The following THRB variants were observed in gnomAD, a reference collection of about 807,000 sequenced individuals.
The protein encoded by THRB is nuclear receptor subfamily 1 group A member 2.
In THRB, 12 loss-of-function variants were observed where a neutral mutation model predicts 47.8. The ratio of observed to expected loss-of-function variants is 0.25; its 90% CI spans 0.16 to 0.41. The LOEUF is 0.41. Among genes scored for constraint, THRB ranks in the 10% least tolerant of loss-of-function variants. The pLI is 1.00. For synonymous variants in THRB, 218 were observed against 212.2 expected (o/e 1.03, Z -0.24); for missense variants, 348 against 589.2 (o/e 0.59, Z 4.24).
chr3:24,380,813 C>T (rs1310324160), intron 1 of THRB, among the ~76,000 whole-genome samples: 1 of 152,132 alleles, frequency 6.6e-6, no homozygotes, highest in East Asian at 1.9e-4. Context: ...GCCAAGGTCA[C>T]ACGGTCAAAA....
intron 1 of THRB, among the ~76,000 whole-genome samples, chr3:24,467,549 A>G (rs1190119388): frequency 6.6e-6 from 1 of 152,264 alleles, no homozygotes. Context: ...TTTGATCCAT[A>G]GGCTTCAGAA....
At chr3:24,468,815 T>C (rs2074343635) in intron 1 of THRB, among the ~76,000 whole-genome samples, 1 of 152,364 alleles carries the variant, frequency 6.6e-6, no homozygotes, top group African/African-American at 2.4e-5. Flanking sequence ...TAAGTGAGCA[T>C]ATGCTATTAG....
At chr3:24,445,284 A>G (rs2071956646) in intron 1 of THRB, among the ~76,000 whole-genome samples, 3 of 152,076 alleles carry the variant, frequency 2.0e-5, no homozygotes, top group Admixed American at 2.0e-4. Flanking sequence ...TAAAATAATA[A>G]AGGATTATGT....
chr3:24,276,044 T>C (rs2053883459), intron 3 of THRB, among the ~76,000 whole-genome samples: 1 of 151,824 alleles, frequency 6.6e-6, no homozygotes, highest in Non-Finnish European at 1.5e-5. Context: ...TCTTCTACTT[T>C]TTTTTTTTTT....
chr3:24,464,940 C>CA (rs1479136151), intron 1 of THRB, among the ~76,000 whole-genome samples: 1 of 151,948 alleles, frequency 6.6e-6, no homozygotes, highest in Non-Finnish European at 1.5e-5. Flanking sequence ...CAAATACCCA[C>CA]AAAAAATAGT....
chr3:24,377,232 C>T (rs1272950974), intron 1 of THRB, among the ~76,000 whole-genome samples: 2 of 152,050 alleles, frequency 1.3e-5, no homozygotes, highest in African/African-American at 4.8e-5. Flanking sequence ...AACACAAATT[C>T]ATAGCAAGAG....
Position 24,155,024 on chromosome 3 carries a change from C to A in THRB, c.284-2534G>T, listed in dbSNP as rs62255839. 4.7e-3 allele frequency among the ~76,000 whole-genome samples: 712 copies of A among 152,274 alleles called. 3 individuals carry two copies. The highest frequency in any genetic ancestry group is 0.014 in the East Asian group (72 of 5,182). On this transcript the variant is annotated intron_variant, in intron 5 of 10. Coordinates refer to ENST00000646209, the MANE Select transcript of THRB (RefSeq NM_001354712.2). The stretch of plus-strand genomic sequence containing the variant: ...CAGAGTTGGGAAGATGCAGGTAGTT[C>A]CCTCTCACCTCATACTACCCCAGCC...
At chr3:24,182,233 A>G (rs2042001762) in intron 5 of THRB, among the ~76,000 whole-genome samples, 1 of 151,772 alleles carries the variant, frequency 6.6e-6, no homozygotes, top group Non-Finnish European at 1.5e-5. Flanking sequence ...ACAAACAAAA[A>G]AAAGAAAGAC....
At chr3:24,147,079 G>C (rs2036195026) in intron 6 of THRB, among the ~76,000 whole-genome samples, 1 of 152,106 alleles carries the variant, frequency 6.6e-6, no homozygotes, top group East Asian at 1.9e-4. Flanking sequence ...AAAGAGGCTA[G>C]TAGGAACATC....
chr3:24,162,903 A>G (rs1318174343), intron 5 of THRB, among the ~76,000 whole-genome samples: 2 of 152,298 alleles, frequency 1.3e-5, no homozygotes, highest in South Asian at 2.1e-4. Flanking sequence ...CCATCCTTAA[A>G]AAAATAAAGA....
chr3:24,344,674 C>T (rs989007410), intron 1 of THRB, among the ~76,000 whole-genome samples: 1 of 146,262 alleles, frequency 6.8e-6, no homozygotes, highest in Non-Finnish European at 1.5e-5. Context: ...CACATATACA[C>T]AAATATGTAG....
At chr3:24,294,659 C>G (rs1338013822) in intron 3 of THRB, among the ~76,000 whole-genome samples, 3 of 152,140 alleles carry the variant, frequency 2.0e-5, no homozygotes, top group African/African-American at 4.8e-5. Context: ...AAAGGCAACA[C>G]GGAGACAATA....
At chr3:24,205,417 G>A (rs1303694425) in intron 4 of THRB, among the ~76,000 whole-genome samples, 2 of 152,116 alleles carry the variant, frequency 1.3e-5, no homozygotes, top group East Asian at 1.9e-4. Flanking sequence ...ATAAGTGAAG[G>A]AGAAATAAAA....
intron 6 of THRB, among the ~76,000 whole-genome samples, chr3:24,149,218 G>A (rs2036536530): frequency 1.3e-5 from 2 of 152,178 alleles, no homozygotes; most frequent in Admixed American, 1.3e-4. Flanking sequence ...AGACAGGGAG[G>A]GGAGGGGTAG....
chr3:24,254,052 ATTTGGG>A (rs2050952675), intron 3 of THRB, among the ~76,000 whole-genome samples: 1 of 151,370 alleles, frequency 6.6e-6, no homozygotes, highest in Admixed American at 6.6e-5. Flanking sequence ...TATTCATAAC[ATTTGGG>A]TTTTTCTAAA....
At chr3:24,136,103 T>C (rs1233367704) in intron 8 of THRB, among the ~76,000 whole-genome samples, 1 of 151,796 alleles carries the variant, frequency 6.6e-6, no homozygotes, top group Non-Finnish European at 1.5e-5. Context: ...TGAATTCCAC[T>C]TGTGACATGT....
chr3:24,281,269 T>TA (rs2054567850), intron 3 of THRB, among the ~76,000 whole-genome samples: 1 of 150,984 alleles, frequency 6.6e-6, no homozygotes, highest in South Asian at 2.1e-4. Context: ...CAGAAGAGAG[T>TA]GGGGGCCAAT....
chr3:24,189,150 T>G (rs2043016851), intron 5 of THRB, among the ~76,000 whole-genome samples: 1 of 152,054 alleles, frequency 6.6e-6, no homozygotes, highest in South Asian at 2.1e-4. Flanking sequence ...AAGTCCTTCA[T>G]GCCTTGTAAA....
At chr3:24,449,785 A>G (rs150546779) in intron 1 of THRB, among the ~76,000 whole-genome samples, 2 of 152,206 alleles carry the variant, frequency 1.3e-5, no homozygotes, top group Admixed American at 6.5e-5. Flanking sequence ...AGTTTTAGTA[A>G]TAACTTGTAA....
Sources: gnomAD v4.1 joint callset for allele counts (sites outside exome capture counted in the v4.1 genomes callset) on GRCh38, gnomAD v4.1.1 for gene constraint, MANE v1.5 for transcripts, NCBI Gene and HGNC (gene_info 2026-07-23, HGNC 2026-07-21) for gene names.